The following SLC30A8 variants were observed in gnomAD, a reference collection of about 807,000 sequenced individuals.
SLC30A8 encodes solute carrier family 30 member 8, also known as proton-coupled zinc antiporter SLC30A8.
Under a neutral mutation model 36.9 loss-of-function variants are expected in SLC30A8, and 27 were observed. The observed-to-expected ratio is 0.73, with a 90% CI of 0.54 to 1.01. The LOEUF (loss-of-function observed/expected upper bound fraction) is 1.01. Ranked by LOEUF, SLC30A8 falls within the 50% of genes least tolerant of loss-of-function variation. The pLI is 0.00. For synonymous variants in SLC30A8, 164 were observed against 172.4 expected (o/e 0.95, Z 0.38); for missense variants, 439 against 452.0 (o/e 0.97, Z 0.26).
At chr8:117,026,932 G>A (rs1020837232) in intron 1 of SLC30A8, among the ~76,000 whole-genome samples, 8 of 152,104 alleles carry the variant, frequency 5.3e-5, no homozygotes, top group Admixed American at 6.6e-5. Context: ...TTTGATGTGT[G>A]TCTAGGTGTG....
Position 117,055,827 on chromosome 8 carries a change from A to G in SLC30A8, c.-226+16569A>G, listed in dbSNP as rs551005733. The G allele has an allele frequency of 5.3e-5, 8 of 152,376 alleles. No individual in the cohort carries two copies. The East Asian group carries it at 5.8e-4, about 11-fold the overall frequency. The allele number at this position is 152,376 out of a possible 1,614,324, so 9.4% of individuals were successfully genotyped here. On this transcript the variant is annotated intron_variant, in intron 2 of 10. Transcript: ENST00000427715. ...TAAAATGAGTCAGTGAAGTAGCTCC[A>G]TCATTCTTAGCTGGAGTCAAGAAAA...
intron 2 of SLC30A8, among the ~76,000 whole-genome samples, chr8:117,084,470 C>T (rs1250311537): frequency 6.6e-6 from 1 of 152,066 alleles, no homozygotes; most frequent in East Asian, 1.9e-4. Context: ...TAGAGTGTTC[C>T]AGAAAGATGC....
chr8:117,018,663 GC>G (rs67272812), intron 1 of SLC30A8, among the ~76,000 whole-genome samples: 31,824 of 102,078 alleles, frequency 0.31, 4,757 homozygotes, highest in Admixed American at 0.46. Context: ...AATCTGACTA[GC>G]CCCCCCCCCC....
At chr8:117,168,743 T>A (rs192838029) in intron 6 of SLC30A8, among the ~76,000 whole-genome samples, 17 of 152,278 alleles carry the variant, frequency 1.1e-4, no homozygotes, top group African/African-American at 3.6e-4. Context: ...CCCAAAGAGA[T>A]GACACACATT....
chr8:117,105,025 T>G (rs184329770), intron 2 of SLC30A8, among the ~76,000 whole-genome samples: 1 of 152,236 alleles, frequency 6.6e-6, no homozygotes, highest in Admixed American at 6.5e-5. Flanking sequence ...AGAGGTCACT[T>G]TTGTCACCAT....
rs1821293483 is a variant in SLC30A8, at chr8:117,135,020, A to G, written c.-308A>G. ...AAGCTCTTGAGCTCCTCTACCTCTT[A>G]GAAAGCACAATTGAATCAGATATCA... On this transcript the variant is annotated 5_prime_UTR_variant, in exon 1 of 8. Coordinates refer to ENST00000456015, the MANE Select transcript of SLC30A8 (RefSeq NM_173851.3). 9.3e-6 allele frequency: 2 copies of G among 215,048 alleles called. No individual in the cohort carries two copies. The highest frequency in any genetic ancestry group is 1.8e-5 in the Non-Finnish European group (2 of 110,126). 13.3% of individuals were successfully genotyped at this position (215,048 alleles called of 1,614,324 possible). A position where few individuals can be genotyped will look rare whatever the true frequency, so the allele number is the denominator to read the frequency against.
chr8:116,958,841 ATTTTTTTT>A (rs758505118), intron 1 of SLC30A8, among the ~76,000 whole-genome samples: 2 of 60,030 alleles, frequency 3.3e-5, no homozygotes, highest in East Asian at 5.5e-4. Flanking sequence ...TGCTCTTTTC[ATTTTTTTT>A]TTTTTTTTTT....
chr8:117,085,666 C>T (rs1818850396), intron 2 of SLC30A8, among the ~76,000 whole-genome samples: 2 of 152,108 alleles, frequency 1.3e-5, no homozygotes, highest in Admixed American at 1.3e-4. Flanking sequence ...TTAAATGGTT[C>T]TTATGAATTA....
intron 1 of SLC30A8, among the ~76,000 whole-genome samples, chr8:117,138,696 T>C (rs914098779): frequency 3.9e-5 from 6 of 151,982 alleles, no homozygotes; most frequent in African/African-American, 1.4e-4. Flanking sequence ...ATCCCTGCCC[T>C]GGATCACTCA....
intron 2 of SLC30A8, among the ~76,000 whole-genome samples, chr8:117,092,009 A>G (rs1819150639): frequency 6.6e-6 from 1 of 152,198 alleles, no homozygotes; most frequent in African/African-American, 2.4e-5. Flanking sequence ...TCCCTGTATT[A>G]TGCTGAAAAT....
chr8:117,003,071 C>T (rs1423881780), intron 1 of SLC30A8, among the ~76,000 whole-genome samples: 2 of 152,138 alleles, frequency 1.3e-5, no homozygotes, highest in Non-Finnish European at 2.9e-5. Flanking sequence ...AGAGAAATGA[C>T]AGATATCTAA....
chr8:117,112,046 CTGTAAAAA>C (rs1820249552), intron 2 of SLC30A8, among the ~76,000 whole-genome samples: 3 of 152,182 alleles, frequency 2.0e-5, no homozygotes, highest in Non-Finnish European at 4.4e-5. Context: ...ATGCGTCCCT[CTGTAAAAA>C]AGAGGATGAC....
At chr8:117,005,492 G>T (rs1022746592) in intron 1 of SLC30A8, among the ~76,000 whole-genome samples, 1 of 152,152 alleles carries the variant, frequency 6.6e-6, no homozygotes, top group Non-Finnish European at 1.5e-5. Flanking sequence ...CTTTTAGGTT[G>T]ATTCCACCTC....
intron 1 of SLC30A8, among the ~76,000 whole-genome samples, chr8:116,967,268 G>C (rs1334857148): frequency 6.6e-6 from 1 of 152,124 alleles, no homozygotes. Context: ...TATATTAAAA[G>C]TAGATGGAAG....
chr8:117,028,032 A>G (rs1328505753), intron 1 of SLC30A8, among the ~76,000 whole-genome samples: 2 of 152,338 alleles, frequency 1.3e-5, no homozygotes, highest in South Asian at 2.1e-4. Flanking sequence ...CTCTTTCCCA[A>G]GGACTCTAAC....
intron 1 of SLC30A8, among the ~76,000 whole-genome samples, chr8:116,960,278 G>A (rs551432713): frequency 5.9e-5 from 9 of 152,178 alleles, no homozygotes; most frequent in Non-Finnish European, 1.2e-4. Context: ...AGAATGCTAC[G>A]TCATTTGATA....
chr8:117,018,007 G>GA (rs1302552889), intron 1 of SLC30A8: 1 of 152,228 alleles, frequency 6.6e-6, no homozygotes, highest in Non-Finnish European at 1.5e-5. Flanking sequence ...AAAGTGGGAG[G>GA]ATCTTTCCAG....
chr8:117,053,543 C>T (rs1817776205), intron 2 of SLC30A8, among the ~76,000 whole-genome samples: 1 of 152,172 alleles, frequency 6.6e-6, no homozygotes, highest in Admixed American at 6.5e-5. Flanking sequence ...GCCCGAGCCC[C>T]AGCCCAGCTA....
chr8:117,075,717 A>G (rs1818468230), intron 2 of SLC30A8, among the ~76,000 whole-genome samples: 1 of 152,168 alleles, frequency 6.6e-6, no homozygotes, highest in African/African-American at 2.4e-5. Flanking sequence ...ATTGACAGCT[A>G]TGACCTTTGT....
Sources: allele counts gnomAD v4.1 joint callset (sites outside exome capture counted in the v4.1 genomes callset), GRCh38; gene constraint gnomAD v4.1.1; transcripts MANE v1.5; gene names NCBI Gene and HGNC (gene_info 2026-07-23, HGNC 2026-07-21).